Variants in RNF180 observed in about 807,000 individuals in gnomAD.
The protein encoded by RNF180 is E3 ubiquitin-protein ligase RNF180.
A neutral mutation model predicts 59.2 loss-of-function variants in RNF180; 38 were observed. That is an observed-to-expected ratio of 0.64 (90% CI 0.50 to 0.84). RNF180 has a LOEUF of 0.84. Among genes scored for constraint, RNF180 ranks in the 40% least tolerant of loss-of-function variants. The pLI is 0.00. For synonymous variants in RNF180, 262 were observed against 240.3 expected (o/e 1.09, Z -0.84); for missense variants, 705 against 700.9 (o/e 1.01, Z -0.07).
rs1411450440 is a variant in RNF180 at position 64,326,705 on chromosome 5, G to A, written c.1453+1294G>A. On this transcript the variant is annotated intron_variant, in intron 6 of 7. Coordinates refer to ENST00000389100, the MANE Select transcript of RNF180 (RefSeq NM_001113561.2). ...AGTGTATCATCTTGATGTGTTGTTGGATTCCGTTTGCTAGTATTTTATTGA... is the reference window on the plus strand; with the variant it reads ...AGTGTATCATCTTGATGTGTTGTTGAATTCCGTTTGCTAGTATTTTATTGA... Among the ~76,000 whole-genome samples, 10 of 152,080 alleles carry A rather than the reference G, an allele frequency of 6.6e-5. No homozygotes were observed. The East Asian group carries it at 1.5e-3, about 23-fold the overall frequency.
intron 1 of RNF180, among the ~76,000 whole-genome samples, chr5:64,198,674 G>A (rs1751576212): frequency 6.6e-6 from 1 of 152,078 alleles, no homozygotes; most frequent in African/African-American, 2.4e-5. Context: ...TCCCTATCCT[G>A]GCTGAGGACC....
intron 5 of RNF180, among the ~76,000 whole-genome samples, chr5:64,280,693 T>G (rs1448329614): frequency 6.6e-6 from 1 of 152,146 alleles, no homozygotes; most frequent in Non-Finnish European, 1.5e-5. Context: ...TACCATGCTG[T>G]TTTGGTTACT....
chr5:64,355,989 CA>C (rs1437221690), intron 7 of RNF180, among the ~76,000 whole-genome samples: 11 of 151,456 alleles, frequency 7.3e-5, no homozygotes, highest in Admixed American at 7.3e-4. Flanking sequence ...TCACAAGCAA[CA>C]AAAGTAAATT....
chr5:64,266,016 CTGTT>C lies in RNF180; in HGVS notation c.1227+48624_1227+48627del, dbSNP rs965027217. Among the ~76,000 whole-genome samples, 34 of 152,230 alleles carry C rather than the reference CTGTT, an allele frequency of 2.2e-4. 1 individual carries two copies. The highest frequency in any genetic ancestry group is 7.7e-4 in the African/African-American group (32 of 41,548). On this transcript the variant is annotated intron_variant, in intron 5 of 7. Transcript: ENST00000389100. ...AGGAGTTCACTCATGATTTGGCTCA[CTGTT>C]TGTCTATTATTGGTGTATAAGAATG...
chr5:64,268,370 CTCCT>C (rs766184682), intron 5 of RNF180, among the ~76,000 whole-genome samples: 21 of 152,118 alleles, frequency 1.4e-4, no homozygotes, highest in Admixed American at 6.6e-4. Flanking sequence ...TTTGTCTTTT[CTCCT>C]TTTTTTAGTG....
chr5:64,170,146 C>T (rs1423021741), intron 1 of RNF180, among the ~76,000 whole-genome samples: 1 of 152,208 alleles, frequency 6.6e-6, no homozygotes, highest in Non-Finnish European at 1.5e-5. Context: ...CCTGTGGGTG[C>T]ACATAAGGAC....
rs1379751233 is a variant in RNF180 at position 64,178,379 on chromosome 5, G to A, written c.-1+12426G>A. On this transcript the variant is annotated intron_variant, in intron 1 of 7. Transcript: ENST00000389100. ...ATATTGGAAGCCAAAAGGCAAGAGA[G>A]CCTTGATGTAGCAGTCCAAAAGTCA... Among the ~76,000 whole-genome samples, 3 of 152,138 alleles carry A rather than the reference G, an allele frequency of 2.0e-5. No individual in the cohort carries two copies. In the East Asian group the frequency reaches 5.8e-4, roughly 29 times the overall value.
rs757628904 is a variant in RNF180 at position 64,216,151 on chromosome 5, G to C, written c.1192-1210G>C. Among the ~76,000 whole-genome samples, 77 of 152,008 alleles carry C rather than the reference G, an allele frequency of 5.1e-4. 1 individual carries two copies. Among genetic ancestry groups the C allele is most frequent in the Non-Finnish European group, 9.0e-4 (61 of 67,954 alleles). On this transcript the variant is annotated intron_variant, in intron 4 of 7. Coordinates refer to ENST00000389100, the MANE Select transcript of RNF180 (RefSeq NM_001113561.2). ...TTGATTGGTAGCACAGAAGCTACAG[G>C]CAAACAAATACCCAGTGTTTATTTA...
chr5:64,282,547 C>T (rs1404326032), intron 5 of RNF180, among the ~76,000 whole-genome samples: 1 of 152,074 alleles, frequency 6.6e-6, no homozygotes, highest in Admixed American at 6.5e-5. Context: ...TTCAGTTCAG[C>T]TCTGATTTTG....
At chr5:64,182,460 C>G (rs1750651893) in intron 1 of RNF180, among the ~76,000 whole-genome samples, 1 of 152,086 alleles carries the variant, frequency 6.6e-6, no homozygotes, top group African/African-American at 2.4e-5. Flanking sequence ...TGGAAACATT[C>G]AAAGAAAACA....
chr5:64,259,119 G>A (rs914214362), intron 5 of RNF180, among the ~76,000 whole-genome samples: 6 of 152,094 alleles, frequency 3.9e-5, no homozygotes, highest in African/African-American at 1.4e-4. Context: ...GGAGTGGGTG[G>A]AATACTAACC....
chr5:64,296,337 G>A (rs570047930), intron 5 of RNF180, among the ~76,000 whole-genome samples: 15 of 152,260 alleles, frequency 9.9e-5, no homozygotes, highest in African/African-American at 3.6e-4. Context: ...TAAAGTGTGG[G>A]TGAACATGGT....
At chr5:64,285,615 C>T (rs1034706242) in intron 5 of RNF180, among the ~76,000 whole-genome samples, 4 of 152,072 alleles carry the variant, frequency 2.6e-5, no homozygotes, top group Admixed American at 6.5e-5. Context: ...GAGGGACTCC[C>T]GGGAGCACCA....
intron 5 of RNF180, among the ~76,000 whole-genome samples, chr5:64,246,149 T>C (rs961349607): frequency 6.6e-5 from 10 of 152,008 alleles, no homozygotes; most frequent in Non-Finnish European, 1.3e-4. Flanking sequence ...GCACTAAATG[T>C]CCACAGGAGA....
chr5:64,186,560 C>T (rs1233292454), intron 1 of RNF180, among the ~76,000 whole-genome samples: 2 of 152,084 alleles, frequency 1.3e-5, no homozygotes, highest in African/African-American at 2.4e-5. Context: ...TAGCACGTGT[C>T]TTTGTTATTC....
intron 5 of RNF180, among the ~76,000 whole-genome samples, chr5:64,256,442 C>T (rs917860966): frequency 6.6e-6 from 1 of 152,104 alleles, no homozygotes; most frequent in African/African-American, 2.4e-5. Flanking sequence ...TCCCCAGCAC[C>T]ATTTATTAAA....
At chr5:64,280,816 T>G (rs1741973314) in intron 5 of RNF180, among the ~76,000 whole-genome samples, 1 of 152,190 alleles carries the variant, frequency 6.6e-6, no homozygotes, top group Admixed American at 6.5e-5. Flanking sequence ...TTTAGAATAG[T>G]TTTTCCTAAT....
At chr5:64,221,442 C>T (rs1331200567) in intron 5 of RNF180, among the ~76,000 whole-genome samples, 1 of 152,054 alleles carries the variant, frequency 6.6e-6, no homozygotes, top group African/African-American at 2.4e-5. Context: ...GCTCACTCTA[C>T]TTTGTGTCAA....
rs181604130 is a variant in RNF180, at chr5:64,233,809, T to G, written c.1227+16413T>G. ...AAAAATTCAATAACCTTTCTGAAGA[T>G]TGCAGAGTCACAGAGTGTTAGAACT... On this transcript the variant is annotated intron_variant, in intron 5 of 7. Coordinates refer to ENST00000389100, the MANE Select transcript of RNF180 (RefSeq NM_001113561.2). Among the ~76,000 whole-genome samples, 242 of 152,318 alleles carry G rather than the reference T, an allele frequency of 1.6e-3. 2 individuals are homozygous for G. The highest frequency in any genetic ancestry group is 5.5e-3 in the African/African-American group (228 of 41,572).
Sources: gnomAD v4.1 joint callset for allele counts (sites outside exome capture counted in the v4.1 genomes callset) on GRCh38, gnomAD v4.1.1 for gene constraint, MANE v1.5 for transcripts, NCBI Gene and HGNC (gene_info 2026-07-23, HGNC 2026-07-21) for gene names.